Variants in PSD2 observed in about 807,000 individuals in gnomAD.
PSD2 encodes pleckstrin and Sec7 domain containing 2.
A neutral mutation model predicts 69.8 loss-of-function variants in PSD2; 38 were observed. The ratio of observed to expected loss-of-function variants is 0.54; its 90% CI spans 0.42 to 0.71. The LOEUF (loss-of-function observed/expected upper bound fraction) is 0.71. PSD2 is among the 30% of genes least tolerant of loss of function. The pLI is 0.00. For missense variants in PSD2, 943 were observed against 1,014.5 expected, an observed-to-expected ratio of 0.93 and a Z score of 0.96; for synonymous variants, 412 against 423.0, an observed-to-expected ratio of 0.97 and a Z score of 0.32.
At chr5:139,758,658 G>A in the PSD2 span, among the ~76,000 whole-genome samples, 5 of 152,164 alleles carry the variant, frequency 3.3e-5, no homozygotes, top group African/African-American at 7.2e-5. Context: ...TGCTCCCTGC[G>A]TCCGGGAACT....
At chr5:139,819,976 T>G (rs1451009426) in intron 5 of PSD2, among the ~76,000 whole-genome samples, 4 of 152,132 alleles carry the variant, frequency 2.6e-5, no homozygotes, top group Admixed American at 2.0e-4. Flanking sequence ...CTGGCCCCAA[T>G]GTACTGGTGG....
At chr5:139,823,670 C>T (rs763208583) in intron 7 of PSD2, among the ~76,000 whole-genome samples, 5 of 152,212 alleles carry the variant, frequency 3.3e-5, no homozygotes, top group South Asian at 2.1e-4. Flanking sequence ...GATCTCCCTG[C>T]GGTGTCATGG....
At chr5:139,747,782 C>T in the PSD2 span, among the ~76,000 whole-genome samples, 1 of 152,234 alleles carries the variant, frequency 6.6e-6, no homozygotes, top group Non-Finnish European at 1.5e-5. This position sits in a 1 kb window ranked among gnomAD's most constrained non-coding sequence, Gnocchi z 6.7. Flanking sequence ...CCACCGGGCC[C>T]CCCAGCCAGC....
rs529606879 is a variant in PSD2, at chr5:139,842,383, C to T, written c.2225C>T (p.Ser742Phe). The T allele has an allele frequency of 1.5e-5, 24 of 1,614,242 alleles. No homozygotes were observed. The East Asian group carries it at 4.5e-4, about 30-fold the overall frequency. ...GCCACTCTGGAAGGGGATGACCCTTCTCTCCGGAAGACACATTCAAGCCCT... is the reference window on the plus strand; with the variant it reads ...GCCACTCTGGAAGGGGATGACCCTTTTCTCCGGAAGACACATTCAAGCCCT... Reference protein sequence around the residue: ...RLATLEGDDPSLRKTHSSPAL... With the variant: ...RLATLEGDDPFLRKTHSSPAL... The change falls in exon 15 of 15, where the codon TCT (serine) becomes TTT (phenylalanine). Residue 742 changes from serine to phenylalanine, a missense_variant. Physicochemically the swap from Ser to Phe is radical, Grantham distance 155 (BLOSUM62 -2). Coordinates refer to ENST00000274710, the MANE Select transcript of PSD2 (RefSeq NM_032289.4).
chr5:139,765,981 G>T, the PSD2 span, among the ~76,000 whole-genome samples: 24 of 152,056 alleles, frequency 1.6e-4, 1 homozygote, highest in Non-Finnish European at 5.9e-5. Context: ...CTCCTTTTTT[G>T]GGCCTGTCCT....
the PSD2 span, among the ~76,000 whole-genome samples, chr5:139,752,007 G>C: frequency 6.6e-6 from 1 of 151,914 alleles, no homozygotes; most frequent in Non-Finnish European, 1.5e-5. Flanking sequence ...TGTCCAGGCA[G>C]GTCTGGAACT....
intron 4 of PSD2, among the ~76,000 whole-genome samples, chr5:139,816,126 C>T (rs1760117778): frequency 6.6e-6 from 1 of 152,056 alleles, no homozygotes; most frequent in African/African-American, 2.4e-5. Flanking sequence ...ATCTATGACC[C>T]ACAGCCTTTT....
At chr5:139,783,903 T>TTC in the PSD2 span, among the ~76,000 whole-genome samples, 1 of 151,244 alleles carries the variant, frequency 6.6e-6, no homozygotes, top group African/African-American at 2.4e-5. Context: ...TCAGTCCCTC[T>TTC]TCTTGTTTCT....
upstream of PSD2, among the ~76,000 whole-genome samples, chr5:139,792,712 CTTTCT>C (rs964076459): frequency 1.3e-5 from 2 of 151,906 alleles, no homozygotes; most frequent in Admixed American, 6.6e-5. Context: ...CTTTCTCTTT[CTTTCT>C]TTTCTTTTCT....
At chr5:139,789,988 C>T in the PSD2 span, among the ~76,000 whole-genome samples, 3 of 151,506 alleles carry the variant, frequency 2.0e-5, no homozygotes, top group Admixed American at 1.3e-4. Flanking sequence ...GAGAGCAGCA[C>T]GGGGCCGGGC....
In PSD2 at chr5:139,814,403, C is replaced by G. The variant is rs1411611042; in HGVS notation, c.1016+39C>G. On this transcript the variant is annotated intron_variant, in intron 4 of 14. Coordinates refer to ENST00000274710, the MANE Select transcript of PSD2 (RefSeq NM_032289.4). The surrounding 1 kb of genome is among the most constrained non-coding windows in gnomAD (Gnocchi z 4.4). ...CCCCTGCCCCCAACCCTGGGCAAAC[C>G]TCGTGTCTTCCTCAACCTGAAGAGG... 1 of 1,531,922 alleles carries G rather than the reference C, an allele frequency of 6.5e-7. No homozygotes were observed. The highest frequency in any genetic ancestry group is 8.8e-7 in the Non-Finnish European group (1 of 1,139,092). The allele number at this position is 1,531,922 out of a possible 1,614,324, so 94.9% of individuals were successfully genotyped here.
intron 7 of PSD2, among the ~76,000 whole-genome samples, chr5:139,824,075 C>T (rs1760345109): frequency 6.6e-6 from 1 of 152,246 alleles, no homozygotes; most frequent in Admixed American, 6.5e-5. Flanking sequence ...CTGCTGTTCC[C>T]CTAGACTGTG....
chr5:139,833,875 G>A (rs1216082472), intron 8 of PSD2, 84 bp downstream of exon 8: 2 of 1,028,906 alleles, frequency 1.9e-6, no homozygotes, highest in African/African-American at 3.1e-5. Context: ...GTGAAATCCT[G>A]GCATTCCAGG....
chr5:139,745,442 G>A, the PSD2 span, among the ~76,000 whole-genome samples: 1 of 152,220 alleles, frequency 6.6e-6, no homozygotes, highest in South Asian at 2.1e-4. Context: ...ATGCTGAGTC[G>A]CCTGGGGAGG....
chr5:139,753,719 G>A, the PSD2 span, among the ~76,000 whole-genome samples: 1 of 152,202 alleles, frequency 6.6e-6, no homozygotes, highest in African/African-American at 2.4e-5. Flanking sequence ...GATCCCACAG[G>A]AGTCCCATCC....
chr5:139,798,571 A>G (rs1759590125), intron 1 of PSD2, among the ~76,000 whole-genome samples: 1 of 152,214 alleles, frequency 6.6e-6, no homozygotes, highest in Non-Finnish European at 1.5e-5. Flanking sequence ...CAAAGCTGAT[A>G]GTATAGTGAA....
At chr5:139,827,753 G>T (rs1220250958) in intron 7 of PSD2, among the ~76,000 whole-genome samples, 1 of 152,150 alleles carries the variant, frequency 6.6e-6, no homozygotes, top group Non-Finnish European at 1.5e-5. Context: ...AATGTAGGAG[G>T]AACTTCCAAA....
In PSD2 at chr5:139,813,469, G is replaced by GC; in HGVS notation, c.538dup (p.Leu180ProfsTer11). 3 of 1,613,960 alleles carry GC rather than the reference G, an allele frequency of 1.9e-6. No individual in the cohort carries two copies. The highest frequency in any genetic ancestry group is 1.3e-5 in the African/African-American group (1 of 75,070). On this transcript the variant is annotated frameshift_variant, in exon 3 of 15. Transcript: ENST00000274710. LOFTEE classifies it high-confidence loss of function. Reference sequence around the variant, plus strand: ...GAGCGACAGCTGCGTCAGCTTCGAGGCCCCCCTCACACCCCTCATCCAGCA... The same window carrying GC: ...GAGCGACAGCTGCGTCAGCTTCGAGGCCCCCCCTCACACCCCTCATCCAGCA...
the PSD2 span, among the ~76,000 whole-genome samples, chr5:139,787,495 G>T: frequency 2.0e-5 from 3 of 152,354 alleles, no homozygotes; most frequent in African/African-American, 7.2e-5. Context: ...GTCATGCGTG[G>T]CAAGAACTCA....
Sources: allele counts gnomAD v4.1 joint callset (sites outside exome capture counted in the v4.1 genomes callset), GRCh38; gene constraint gnomAD v4.1.1; non-coding constraint Gnocchi (gnomAD v3.1); transcripts MANE v1.5; gene names NCBI Gene and HGNC (gene_info 2026-07-23, HGNC 2026-07-21).